The following GALNT14 variants were observed in gnomAD, a reference collection of about 807,000 sequenced individuals.
GALNT14 encodes UDP-GalNAc:polypeptide N-acetylgalactosaminyltransferase 14.
A neutral mutation model predicts 77.5 loss-of-function variants in GALNT14; 60 were observed. The observed-to-expected ratio is 0.77, with a 90% confidence interval of 0.63 to 0.96. The LOEUF is 0.96. Ranked by LOEUF, GALNT14 falls within the 40% of genes least tolerant of loss-of-function variation. GALNT14 has a pLI of 0.00. For synonymous variants in GALNT14, 280 were observed against 281.7 expected, an observed-to-expected ratio of 0.99 and a Z score of 0.06; for missense variants, 710 against 731.0, an observed-to-expected ratio of 0.97 and a Z score of 0.33.
chr2:31,057,660 G>A (rs1674319551), intron 1 of GALNT14, among the ~76,000 whole-genome samples: 1 of 152,034 alleles, frequency 6.6e-6, no homozygotes, highest in African/African-American at 2.4e-5. Context: ...CTATCTGAAA[G>A]TGGATAACAC....
At chr2:30,906,886 G>C (rs908923641), downstream of GALNT14, among the ~76,000 whole-genome samples, 1 of 152,120 alleles carries the variant, frequency 6.6e-6, no homozygotes, top group African/African-American at 2.4e-5. Flanking sequence ...AATCAAACTA[G>C]AACTCAGGAT....
chr2:30,979,013 G>C (rs938817325), intron 2 of GALNT14, among the ~76,000 whole-genome samples: 13 of 152,258 alleles, frequency 8.5e-5, no homozygotes, highest in African/African-American at 2.7e-4. Context: ...AAGCAGCAAT[G>C]ATGAGGCCTG....
chr2:30,933,574 T>G (rs1171484817), intron 9 of GALNT14, among the ~76,000 whole-genome samples: 1 of 152,112 alleles, frequency 6.6e-6, no homozygotes, highest in Admixed American at 6.5e-5. Context: ...TCCACCACCT[T>G]CTCTGCACCT....
chr2:31,099,368 T>G (rs117388186), intron 1 of GALNT14, among the ~76,000 whole-genome samples: 1 of 152,228 alleles, frequency 6.6e-6, no homozygotes, highest in East Asian at 1.9e-4. Flanking sequence ...TCATGTGTCT[T>G]TTCAGTTTAC....
At chr2:30,998,618 T>C (rs1670178248) in intron 1 of GALNT14, among the ~76,000 whole-genome samples, 1 of 152,222 alleles carries the variant, frequency 6.6e-6, no homozygotes, top group South Asian at 2.1e-4. Flanking sequence ...TTACTATGTG[T>C]CATAACTATT....
intron 1 of GALNT14, among the ~76,000 whole-genome samples, chr2:31,100,473 T>C (rs1289112540): frequency 6.6e-6 from 1 of 152,044 alleles, no homozygotes; most frequent in African/African-American, 2.4e-5. Flanking sequence ...TTAATTATCT[T>C]TTGTTTTCTA....
chr2:30,957,122 A>C (rs1353002800), intron 4 of GALNT14, among the ~76,000 whole-genome samples: 3 of 152,040 alleles, frequency 2.0e-5, no homozygotes, highest in African/African-American at 4.8e-5. Context: ...TTGCTTTATT[A>C]GTTTATTGAC....
chr2:31,086,514 T>C (rs996829464), intron 1 of GALNT14, among the ~76,000 whole-genome samples: 2 of 151,302 alleles, frequency 1.3e-5, no homozygotes, highest in African/African-American at 4.9e-5. Flanking sequence ...AACATAAAGA[T>C]AGAAGTCATA....
At chr2:30,973,408 C>G (rs1668472311) in intron 2 of GALNT14, among the ~76,000 whole-genome samples, 1 of 152,194 alleles carries the variant, frequency 6.6e-6, no homozygotes, top group Non-Finnish European at 1.5e-5. Context: ...GGCCAATGAC[C>G]TTTCCAGAAC....
At chr2:31,011,202 A>G (rs1329135952) in intron 1 of GALNT14, among the ~76,000 whole-genome samples, 3 of 152,252 alleles carry the variant, frequency 2.0e-5, no homozygotes, top group Non-Finnish European at 2.9e-5. Flanking sequence ...CTGGCTGTCT[A>G]TTCTGCAAAA....
At chr2:31,058,647 T>C (rs1305858662) in intron 1 of GALNT14, among the ~76,000 whole-genome samples, 1 of 152,138 alleles carries the variant, frequency 6.6e-6, no homozygotes, top group Non-Finnish European at 1.5e-5. Context: ...TAGATGGTAC[T>C]GCTAGATTTA....
intron 1 of GALNT14, among the ~76,000 whole-genome samples, chr2:31,118,030 T>C (rs1453514952): frequency 6.6e-6 from 1 of 152,222 alleles, no homozygotes; most frequent in Non-Finnish European, 1.5e-5. Flanking sequence ...GTTAGTTACA[T>C]GCTACTTAAA....
chr2:30,991,942 G>T (rs950717745), intron 2 of GALNT14, among the ~76,000 whole-genome samples: 2 of 152,102 alleles, frequency 1.3e-5, no homozygotes, highest in South Asian at 2.1e-4. Context: ...ACAAATATAA[G>T]AGGCTAAGAA....
intron 1 of GALNT14, among the ~76,000 whole-genome samples, chr2:31,130,777 TGTGTGTGC>T (rs1429046500): frequency 7.3e-6 from 1 of 137,106 alleles, no homozygotes; most frequent in Non-Finnish European, 1.5e-5. Context: ...TGTGTGTGTG[TGTGTGTGC>T]GCGCGCACCT....
intron 1 of GALNT14, among the ~76,000 whole-genome samples, chr2:31,052,626 C>T (rs72854819): frequency 1.3e-3 from 194 of 152,192 alleles, no homozygotes; most frequent in African/African-American, 4.5e-3. Context: ...CCAGGAGGGA[C>T]ATATCCTCAG....
intron 1 of GALNT14, among the ~76,000 whole-genome samples, chr2:31,123,413 C>T (rs969141710): frequency 3.3e-5 from 5 of 152,112 alleles, no homozygotes; most frequent in South Asian, 4.1e-4. Flanking sequence ...ATAGAACCCA[C>T]GACAGGTGTC....
At chr2:30,932,277 GC>G (rs1558416748) in intron 9 of GALNT14, 83 bp from the exon 10 acceptor site, 3 of 1,302,908 alleles carry the variant, frequency 2.3e-6, no homozygotes, top group Non-Finnish European at 3.0e-6. Context: ...AAACGGTGAG[GC>G]CCCCGCAGAG....
the GALNT14 span, among the ~76,000 whole-genome samples, chr2:30,894,967 C>T: frequency 0.08 from 12,131 of 152,280 alleles, 774 homozygotes; most frequent in East Asian, 0.35. Context: ...GAGCACCTGA[C>T]TGTCCATTGG....
At chr2:31,108,502 C>T (rs760682505) in intron 1 of GALNT14, among the ~76,000 whole-genome samples, 2 of 152,176 alleles carry the variant, frequency 1.3e-5, no homozygotes, top group African/African-American at 4.8e-5. Flanking sequence ...AAGGCAAACA[C>T]AAGGGTTTGT....
Sources: allele counts gnomAD v4.1 joint callset (sites outside exome capture counted in the v4.1 genomes callset), GRCh38; gene constraint gnomAD v4.1.1; transcripts MANE v1.5; gene names NCBI Gene and HGNC (gene_info 2026-07-23, HGNC 2026-07-21).